The following ERC2 variants were observed in gnomAD, a reference collection of about 807,000 sequenced individuals.
ERC2 encodes the protein ELKS/RAB6-interacting/CAST family member 2, also known as ERC protein 2.
In ERC2, 42 loss-of-function variants were observed where a neutral mutation model predicts 114.8. The ratio of observed to expected loss-of-function variants is 0.37; its 90% CI spans 0.29 to 0.47. The LOEUF (loss-of-function observed/expected upper bound fraction) is 0.47, where lower values mean the gene tolerates loss of function less well. Ranked by LOEUF, ERC2 falls within the 20% of genes least tolerant of loss-of-function variation. The probability of loss-of-function intolerance (pLI) is 0.99; values close to 1 mark genes in which losing one functional copy is unlikely to be tolerated. For missense variants in ERC2, 939 were observed against 1,150.7 expected, an observed-to-expected ratio of 0.82 and a Z score of 2.66; for synonymous variants, 454 against 425.5, an observed-to-expected ratio of 1.07 and a Z score of -0.82.
intron 1 of ERC2, among the ~76,000 whole-genome samples, chr3:56,460,964 C>CAAAAAAAAAAAAAAAAAAAA (rs35313545): frequency 1.0e-5 from 1 of 98,190 alleles, no homozygotes. Context: ...ACTAAAAATA[C>CAAAAAAAAAAAAAAAAAAAA]AAAAAAAAAA....
intron 6 of ERC2, among the ~76,000 whole-genome samples, chr3:56,111,330 TCTCAATCTCTCTCC>T (rs1013407277): frequency 2.1e-5 from 3 of 145,486 alleles, no homozygotes; most frequent in African/African-American, 2.7e-5. Context: ...TCTCTCTCTC[TCTCAATCTCTCTCC>T]CTCAATCTCT....
rs1011680706 is a variant in ERC2, at chr3:55,585,645, T to C, written c.*40-74369A>G. Among the ~76,000 whole-genome samples the C allele has an allele frequency of 2.0e-5, 3 of 152,350 alleles. No homozygotes were observed. In the South Asian group the frequency reaches 6.2e-4, roughly 32 times the overall value. On this transcript the variant is annotated intron_variant, in intron 17 of 17. Transcript: ENST00000288221. ...AATTACCCCTGTTAGAGAGAGCTCT[T>C]TGGGGGGACCCTGGAAGATAACAAA...
rs187853509 is a variant in ERC2, at chr3:56,296,106, C to A, written c.987G>T (p.Thr329=). ...GAGACTCAGCCTCTGCCATCCGCCG[C>A]GTTCGCTCATTGTCATCCTCCAGGC... ...SKSLEDDNER[T]RRMAEAESQV... The change falls in exon 3 of 18, where the codon ACG becomes ACT. Residue 329 remains threonine (T), a synonymous_variant. Coordinates refer to ENST00000288221, the MANE Select transcript of ERC2 (RefSeq NM_015576.3). 1.9e-6 allele frequency: 3 copies of A among 1,613,978 alleles called. No homozygotes were observed. The highest frequency in any genetic ancestry group is 2.7e-5 in the African/African-American group (2 of 75,062).
intron 17 of ERC2, chr3:55,606,540 G>T (rs534544821): frequency 6.6e-6 from 1 of 152,236 alleles, no homozygotes; most frequent in African/African-American, 2.4e-5. Context: ...GCCACCATGA[G>T]GCTGACACAA....
chr3:55,731,043 C>A (rs1341074628), intron 15 of ERC2, among the ~76,000 whole-genome samples: 4 of 152,322 alleles, frequency 2.6e-5, no homozygotes, highest in African/African-American at 9.6e-5. Flanking sequence ...TCCAGGACTG[C>A]CCTCCTTCAC....
At chr3:55,896,806 G>C (rs571599226) in intron 13 of ERC2, among the ~76,000 whole-genome samples, 1 of 152,326 alleles carries the variant, frequency 6.6e-6, no homozygotes, top group South Asian at 2.1e-4. Context: ...CTTCAAGCTA[G>C]ATGTTGATTT....
intron 13 of ERC2, among the ~76,000 whole-genome samples, chr3:55,914,022 T>A (rs1466077567): frequency 2.7e-4 from 41 of 150,626 alleles, no homozygotes; most frequent in African/African-American, 6.6e-4. Context: ...TATGACAATT[T>A]TTTTTTTTTT....
At chr3:55,569,007 G>A (rs1259509251) in intron 17 of ERC2, among the ~76,000 whole-genome samples, 1 of 151,842 alleles carries the variant, frequency 6.6e-6, no homozygotes. Context: ...ACCAAAACTC[G>A]CTCCCTCACC....
chr3:55,915,751 G>A (rs73075389), intron 13 of ERC2, among the ~76,000 whole-genome samples: 5 of 152,020 alleles, frequency 3.3e-5, no homozygotes, highest in African/African-American at 1.2e-4. Context: ...TAAGATCATC[G>A]AGGGGAGCTG....
chr3:56,058,276 G>C (rs530610292), intron 7 of ERC2, among the ~76,000 whole-genome samples: 92 of 152,236 alleles, frequency 6.0e-4, no homozygotes, highest in African/African-American at 2.2e-3. Flanking sequence ...TAACTGTTAC[G>C]ACCCTTGGAC....
At chr3:55,955,725 A>G (rs2067906756) in intron 12 of ERC2, among the ~76,000 whole-genome samples, 1 of 152,168 alleles carries the variant, frequency 6.6e-6, no homozygotes, top group Non-Finnish European at 1.5e-5. Context: ...CTTTTTGTGG[A>G]TATATGCATT....
At chr3:55,545,660 G>A (rs1296919414) in intron 17 of ERC2, among the ~76,000 whole-genome samples, 2 of 152,182 alleles carry the variant, frequency 1.3e-5, no homozygotes, top group African/African-American at 4.8e-5. Flanking sequence ...TTCTGTGTGT[G>A]TCATATGGAG....
At chr3:55,781,020 C>A (rs1391357608) in intron 14 of ERC2, among the ~76,000 whole-genome samples, 4 of 152,198 alleles carry the variant, frequency 2.6e-5, no homozygotes, top group Admixed American at 2.6e-4. Flanking sequence ...ACATCCGGGG[C>A]CTTAGCGTGT....
At chr3:56,323,741 TA>T (rs1224349468) in intron 2 of ERC2, among the ~76,000 whole-genome samples, 3 of 152,118 alleles carry the variant, frequency 2.0e-5, no homozygotes, top group Non-Finnish European at 4.4e-5. Context: ...AACGAATATC[TA>T]AGGGCAGCCA....
At chr3:56,393,000 C>T (rs1299651084) in intron 2 of ERC2, among the ~76,000 whole-genome samples, 1 of 152,200 alleles carries the variant, frequency 6.6e-6, no homozygotes, top group Non-Finnish European at 1.5e-5. Context: ...CTCAACACCT[C>T]CTCCCTAGGG....
At chr3:55,966,543 G>A (rs556071188) in intron 12 of ERC2, among the ~76,000 whole-genome samples, 3 of 152,198 alleles carry the variant, frequency 2.0e-5, no homozygotes, top group South Asian at 4.2e-4. Context: ...TAATCCTCAC[G>A]ACAATCTTAT....
chr3:56,088,628 T>C (rs1216963940), intron 6 of ERC2, among the ~76,000 whole-genome samples: 1 of 152,028 alleles, frequency 6.6e-6, no homozygotes, highest in South Asian at 2.1e-4. Context: ...TGAGTTTCAG[T>C]TTGGATAGAC....
At chr3:55,888,639 A>ACCCTG in intron 13 of ERC2, 90 bp from the exon 14 acceptor site, 1 of 1,492,652 alleles carries the variant, frequency 6.7e-7, no homozygotes, top group Non-Finnish European at 9.2e-7. Context: ...AACAAACACA[A>ACCCTG]AGGAATCACA....
intron 14 of ERC2, among the ~76,000 whole-genome samples, chr3:55,886,426 C>T (rs1324422657): frequency 6.6e-6 from 1 of 152,152 alleles, no homozygotes; most frequent in Non-Finnish European, 1.5e-5. Flanking sequence ...TAAATCATAA[C>T]ATTCCATATT....
Sources: gnomAD v4.1 joint callset for allele counts (sites outside exome capture counted in the v4.1 genomes callset) on GRCh38, gnomAD v4.1.1 for gene constraint, MANE v1.5 for transcripts, NCBI Gene and HGNC (gene_info 2026-07-23, HGNC 2026-07-21) for gene names.